Variants in WNT7B observed in about 807,000 individuals in gnomAD.
WNT7B encodes protein Wnt-7b.
Under a neutral mutation model 38.2 loss-of-function variants are expected in WNT7B, and 19 were observed. The ratio of observed to expected loss-of-function variants is 0.50; its 90% confidence interval spans 0.35 to 0.73. The LOEUF (loss-of-function observed/expected upper bound fraction) is 0.73, where lower values mean the gene tolerates loss of function less well. Ranked by LOEUF, WNT7B falls within the 30% of genes least tolerant of loss-of-function variation. WNT7B has a pLI of 0.01. For synonymous variants in WNT7B, 243 were observed against 209.3 expected, an observed-to-expected ratio of 1.16 and a Z score of -1.39; for missense variants, 423 against 507.9, an observed-to-expected ratio of 0.83 and a Z score of 1.61.
intron 1 of WNT7B, chr22:45,972,358 C>T (rs1012620179): frequency 2.0e-5 from 7 of 354,798 alleles, no homozygotes; most frequent in Non-Finnish European, 3.5e-5. Context: ...CGCTAGGGGC[C>T]GGGTCTCGTG....
intron 1 of WNT7B, among the ~76,000 whole-genome samples, chr22:45,973,506 G>A (rs897989285): frequency 4.6e-5 from 7 of 152,120 alleles, no homozygotes; most frequent in African/African-American, 1.4e-4. Context: ...CAGGGCTCTC[G>A]GGCCCCTCTG....
intron 3 of WNT7B, chr22:45,927,605 A>C (rs748722903): frequency 1.1e-6 from 1 of 930,908 alleles, no homozygotes; most frequent in South Asian, 1.4e-5. Flanking sequence ...CATATAAGAG[A>C]TGGAACAGGG....
At chr22:45,957,941 CCTCAGCCTCTCTGGACCCTGAA>C (rs1409016466) in intron 1 of WNT7B, among the ~76,000 whole-genome samples, 1 of 152,212 alleles carries the variant, frequency 6.6e-6, no homozygotes, top group African/African-American at 2.4e-5. Flanking sequence ...CCCACCAGGC[CCTCAGCCTCTCTGGACCCTGAA>C]TGCGGGCAAC....
In WNT7B at chr22:45,965,381, C is replaced by G. The variant is rs1280854062; in HGVS notation, c.71+11303G>C. 6.6e-6 allele frequency among the ~76,000 whole-genome samples: 1 copy of G among 152,182 alleles called. No individual in the cohort carries two copies. The highest frequency in any genetic ancestry group is 1.5e-5 in the Non-Finnish European group (1 of 68,040). Reference sequence around the variant, plus strand: ...TTTCCTTCCCAGTCACACCTGCACACCTGGCCAGCCCTGATAACCCACCCG... The same window carrying G: ...TTTCCTTCCCAGTCACACCTGCACAGCTGGCCAGCCCTGATAACCCACCCG... On this transcript the variant is annotated intron_variant, in intron 1 of 3. Transcript: ENST00000339464. The surrounding 1 kb of genome is among the most constrained non-coding windows in gnomAD (Gnocchi z 6.5).
rs1446075445 is a variant in WNT7B at position 45,951,025 on chromosome 22, A to G, written c.72-879T>C. Among the ~76,000 whole-genome samples the G allele has an allele frequency of 6.6e-6, 1 of 152,194 alleles. No individual in the cohort carries two copies. Among genetic ancestry groups the G allele is most frequent in the Non-Finnish European group, 1.5e-5 (1 of 68,042 alleles). On this transcript the variant is annotated intron_variant, in intron 1 of 3. Transcript: ENST00000339464. The surrounding 1 kb of genome is among the most constrained non-coding windows in gnomAD (Gnocchi z 4.8). ...AGCCCTAGACAAGAACCCGCAGGTC[A>G]CGCTCACTCTACTTCAAGTGATATC...
At chr22:45,963,446 T>G (rs1932240234) in intron 1 of WNT7B, among the ~76,000 whole-genome samples, 1 of 152,112 alleles carries the variant, frequency 6.6e-6, no homozygotes, top group African/African-American at 2.4e-5. Flanking sequence ...CCTTCAGAAC[T>G]CCAGGGGCCT....
At chr22:45,936,079 C>G (rs1247487214) in intron 2 of WNT7B, 8 of 985,386 alleles carry the variant, frequency 8.1e-6, no homozygotes, top group Non-Finnish European at 9.6e-6. Context: ...TCTGGCCACC[C>G]CTCACCCCAC....
intron 2 of WNT7B, chr22:45,935,994 G>C (rs973442885): frequency 3.2e-5 from 32 of 985,246 alleles, no homozygotes; most frequent in Middle Eastern, 5.2e-4. Flanking sequence ...CCCAAGCACA[G>C]GTCTGTACCC....
rs964642389 is a variant in WNT7B at position 45,927,582 on chromosome 22, C to T, written c.570+3516G>A. On this transcript the variant is annotated intron_variant, in intron 3 of 3. Transcript: ENST00000339464. The stretch of plus-strand genomic sequence containing the variant: ...GGGTTGTCCAAGTAGGCCCTAAATC[C>T]AATGAGAGTGTCCATATAAGAGATG... The T allele has an allele frequency of 6.6e-6, 7 of 1,057,308 alleles. No homozygotes were observed. The African/African-American group carries it at 9.5e-5, about 14-fold the overall frequency. 65.5% of individuals were successfully genotyped at this position (1,057,308 alleles called of 1,614,324 possible). A position where few individuals can be genotyped will look rare whatever the true frequency, so the allele number is the denominator to read the frequency against.
At chr22:45,936,104 C>G in intron 2 of WNT7B, 1 of 985,438 alleles carries the variant, frequency 1.0e-6, no homozygotes, top group Non-Finnish European at 1.2e-6. Context: ...CTCAAGAGCA[C>G]TGGGTGGGTT....
intron 3 of WNT7B, chr22:45,927,423 G>C: frequency 1.9e-6 from 3 of 1,543,174 alleles, no homozygotes; most frequent in Non-Finnish European, 2.6e-6. Context: ...ACCAGCCTGG[G>C]CCACATGCCA....
At chr22:45,944,268 A>T (rs1026637759) in intron 2 of WNT7B, among the ~76,000 whole-genome samples, 1 of 152,200 alleles carries the variant, frequency 6.6e-6, no homozygotes, top group African/African-American at 2.4e-5. Context: ...CGGAGGGGCC[A>T]TGTGGAAGGA....
intron 1 of WNT7B, among the ~76,000 whole-genome samples, chr22:45,954,427 A>G (rs559372535): frequency 6.6e-6 from 1 of 152,326 alleles, no homozygotes; most frequent in Admixed American, 6.5e-5. Flanking sequence ...ACGTATTTTA[A>G]CCACGATTTT....
intron 3 of WNT7B, among the ~76,000 whole-genome samples, chr22:45,928,029 C>A (rs1931147875): frequency 6.6e-6 from 1 of 152,222 alleles, no homozygotes; most frequent in South Asian, 2.1e-4. Flanking sequence ...AGGAAGTCTC[C>A]TCCCCTGCTG....
intron 1 of WNT7B, among the ~76,000 whole-genome samples, chr22:45,967,203 C>T (rs535989114): frequency 2.0e-5 from 3 of 152,326 alleles, no homozygotes; most frequent in South Asian, 2.1e-4. Flanking sequence ...GGCCAGCGGG[C>T]GGCCCGCACC....
chr22:45,956,976 T>G (rs541647550), intron 1 of WNT7B, among the ~76,000 whole-genome samples: 4 of 152,066 alleles, frequency 2.6e-5, no homozygotes, highest in Non-Finnish European at 4.4e-5. Flanking sequence ...CGTGGTGGCG[T>G]GTGCCTGTAG....
chr22:45,930,991 C>G, intron 3 of WNT7B, 107 bp downstream of exon 3: 1 of 1,421,278 alleles, frequency 7.0e-7, no homozygotes, highest in South Asian at 1.5e-5. Flanking sequence ...TGCACACCTA[C>G]GGAGACTCAA....
intron 2 of WNT7B, among the ~76,000 whole-genome samples, chr22:45,948,403 A>C (rs1450503700): frequency 2.0e-5 from 3 of 152,136 alleles, no homozygotes; most frequent in Non-Finnish European, 4.4e-5. Context: ...CAGGCTGCTC[A>C]CCACAAAGCG....
intron 1 of WNT7B, among the ~76,000 whole-genome samples, chr22:45,956,209 C>T (rs1335312627): frequency 6.6e-6 from 1 of 152,222 alleles, no homozygotes; most frequent in East Asian, 1.9e-4. Context: ...AGTTTCTTAA[C>T]TGTGTCTCAG....
Sources: allele counts gnomAD v4.1 joint callset (sites outside exome capture counted in the v4.1 genomes callset), GRCh38; gene constraint gnomAD v4.1.1; non-coding constraint Gnocchi (gnomAD v3.1); transcripts MANE v1.5; gene names NCBI Gene and HGNC (gene_info 2026-07-23, HGNC 2026-07-21).